SPOCK1: variants seen among roughly 807,000 people sequenced by gnomAD.
SPOCK1 encodes testican-1.
In SPOCK1, 23 loss-of-function variants were observed where a neutral mutation model predicts 55.3. The ratio of observed to expected loss-of-function variants is 0.42; its 90% confidence interval spans 0.30 to 0.59. The LOEUF (loss-of-function observed/expected upper bound fraction) is 0.59. Ranked by LOEUF, SPOCK1 falls within the 20% of genes least tolerant of loss-of-function variation. SPOCK1 has a pLI of 0.22. For synonymous variants in SPOCK1, 226 were observed against 221.0 expected, an observed-to-expected ratio of 1.02 and a Z score of -0.20; for missense variants, 499 against 552.5, an observed-to-expected ratio of 0.90 and a Z score of 0.97.
chr5:137,328,210 G>A (rs1758111642), intron 2 of SPOCK1, among the ~76,000 whole-genome samples: 2 of 152,252 alleles, frequency 1.3e-5, no homozygotes, highest in Admixed American at 1.3e-4. Context: ...CACCCAGATA[G>A]ATGGCAAACT....
Position 136,979,329 on chromosome 5 carries a change from C to T in SPOCK1, c.1129+3G>A. The T allele has an allele frequency of 6.2e-7, 1 of 1,614,012 alleles. No homozygotes were observed. The highest frequency in any genetic ancestry group is 8.5e-7 in the Non-Finnish European group (1 of 1,179,934). ...TGGGGCTCATGCAGGAGGCCTTACT[C>T]ACCACAGCTCACAGCACCCTGTTTC... On this transcript the variant is annotated splice_donor_region_variant and intron_variant, in intron 10 of 10. Transcript: ENST00000394945.
Position 137,146,538 on chromosome 5 carries a change from T to C in SPOCK1, c.233-5844A>G, listed in dbSNP as rs569753786. 2.6e-5 allele frequency among the ~76,000 whole-genome samples: 4 copies of C among 152,344 alleles called. No individual in the cohort carries two copies. In the East Asian group the frequency reaches 5.8e-4, roughly 22 times the overall value. ...CAGTGATTCATTAGGAGTGACTTAATGGACGACTGACAAAGAAATTACACC... is the reference window on the plus strand; with the variant it reads ...CAGTGATTCATTAGGAGTGACTTAACGGACGACTGACAAAGAAATTACACC... On this transcript the variant is annotated intron_variant, in intron 3 of 10. Transcript: ENST00000394945.
chr5:137,446,312 A>T (rs1256141072), intron 2 of SPOCK1, among the ~76,000 whole-genome samples: 2 of 152,192 alleles, frequency 1.3e-5, no homozygotes, highest in African/African-American at 4.8e-5. Flanking sequence ...AAACCTAATG[A>T]TGCAACTAAT....
chr5:137,413,363 C>A (rs901351408), intron 2 of SPOCK1, among the ~76,000 whole-genome samples: 3 of 152,112 alleles, frequency 2.0e-5, no homozygotes, highest in African/African-American at 7.2e-5. Context: ...AAACAAAAAA[C>A]CACACATGCA....
At chr5:137,145,083 A>G (rs1754167739) in intron 3 of SPOCK1, among the ~76,000 whole-genome samples, 1 of 151,912 alleles carries the variant, frequency 6.6e-6, no homozygotes, top group Non-Finnish European at 1.5e-5. Context: ...TTTCCCACCT[A>G]TATGCAGAAC....
intron 2 of SPOCK1, among the ~76,000 whole-genome samples, chr5:137,425,730 T>C (rs1409395674): frequency 6.6e-6 from 1 of 152,224 alleles, no homozygotes; most frequent in Admixed American, 6.5e-5. Context: ...GCATGGTGCA[T>C]ATTTTCTTGA....
intron 5 of SPOCK1, among the ~76,000 whole-genome samples, chr5:137,092,628 A>G (rs1753071864): frequency 6.6e-6 from 1 of 152,234 alleles, no homozygotes; most frequent in South Asian, 2.1e-4. Flanking sequence ...GAGGACAGAG[A>G]CGTTGCCTAG....
intron 8 of SPOCK1, among the ~76,000 whole-genome samples, chr5:136,987,834 A>G (rs1750872892): frequency 6.6e-6 from 1 of 152,148 alleles, no homozygotes; most frequent in African/African-American, 2.4e-5. Context: ...GGCACCTGCC[A>G]CTGGCTTCCT....
At chr5:137,300,280 C>A (rs890155233) in intron 2 of SPOCK1, among the ~76,000 whole-genome samples, 36 of 152,234 alleles carry the variant, frequency 2.4e-4, no homozygotes, top group Admixed American at 1.8e-3. Flanking sequence ...ATTATGTCTC[C>A]ATTTCCTTTA....
rs543416088 is a variant in SPOCK1 at position 137,166,479 on chromosome 5, G to T, written c.233-25785C>A. On this transcript the variant is annotated intron_variant, in intron 3 of 10. Coordinates refer to ENST00000394945, the MANE Select transcript of SPOCK1 (RefSeq NM_004598.4). ...ATGAGCAATAAGACACCATCTGAAGGTACAAAATTCACTGGCAATGGTAAA... is the reference window on the plus strand; with the variant it reads ...ATGAGCAATAAGACACCATCTGAAGTTACAAAATTCACTGGCAATGGTAAA... 6.6e-5 allele frequency among the ~76,000 whole-genome samples: 10 copies of T among 151,408 alleles called. No individual in the cohort carries two copies. The South Asian group carries it at 2.1e-3, about 32-fold the overall frequency.
At chr5:137,456,375 T>A (rs1753369769) in intron 2 of SPOCK1, among the ~76,000 whole-genome samples, 1 of 152,190 alleles carries the variant, frequency 6.6e-6, no homozygotes, top group African/African-American at 2.4e-5. Context: ...TGTACATACT[T>A]TTAATACTTA....
chr5:137,347,306 T>C (rs569620201), intron 2 of SPOCK1, among the ~76,000 whole-genome samples: 2 of 152,310 alleles, frequency 1.3e-5, no homozygotes, highest in South Asian at 4.1e-4. Flanking sequence ...AGCTCAAAGA[T>C]TGTAATTCCT....
intron 2 of SPOCK1, among the ~76,000 whole-genome samples, chr5:137,296,548 A>AT: frequency 6.6e-6 from 1 of 152,290 alleles, no homozygotes; most frequent in East Asian, 1.9e-4. Context: ...GTCTGTGAAC[A>AT]TTACTGTTGG....
chr5:137,127,690 T>C (rs1006588494), intron 4 of SPOCK1, among the ~76,000 whole-genome samples: 3 of 152,252 alleles, frequency 2.0e-5, no homozygotes, highest in Non-Finnish European at 4.4e-5. Context: ...TTCTTTCCTA[T>C]TTCTCTCTTT....
chr5:137,000,742 G>A (rs1751134184), intron 6 of SPOCK1, among the ~76,000 whole-genome samples: 1 of 152,118 alleles, frequency 6.6e-6, no homozygotes, highest in South Asian at 2.1e-4. Context: ...TTAAAAACAG[G>A]AGAGAGAAAG....
chr5:137,078,150 G>C (rs1752807368), intron 5 of SPOCK1, among the ~76,000 whole-genome samples: 1 of 152,174 alleles, frequency 6.6e-6, no homozygotes, highest in Non-Finnish European at 1.5e-5. Flanking sequence ...CTTGGGAGAT[G>C]CAAGAGGCAA....
chr5:137,283,339 T>C (rs1757200038), intron 2 of SPOCK1, among the ~76,000 whole-genome samples: 1 of 152,200 alleles, frequency 6.6e-6, no homozygotes, highest in South Asian at 2.1e-4. Flanking sequence ...AGTGACAAAC[T>C]TCTACTAGGG....
chr5:137,171,080 G>A (rs970189127), intron 3 of SPOCK1, among the ~76,000 whole-genome samples: 1 of 152,102 alleles, frequency 6.6e-6, no homozygotes, highest in Non-Finnish European at 1.5e-5. Flanking sequence ...TGGAGTGAAC[G>A]GGAAGAGCCT....
At chr5:137,472,376 A>G (rs961667368) in intron 2 of SPOCK1, among the ~76,000 whole-genome samples, 3 of 151,986 alleles carry the variant, frequency 2.0e-5, no homozygotes, top group African/African-American at 7.3e-5. Flanking sequence ...TATTAGGTGT[A>G]CAAAAAAAAA....
Sources: gnomAD v4.1 joint callset for allele counts (sites outside exome capture counted in the v4.1 genomes callset) on GRCh38, gnomAD v4.1.1 for gene constraint, MANE v1.5 for transcripts, NCBI Gene and HGNC (gene_info 2026-07-23, HGNC 2026-07-21) for gene names.